The following SMCHD1 variants were observed in gnomAD, a reference collection of about 807,000 sequenced individuals.
SMCHD1 encodes structural maintenance of chromosomes flexible hinge domain containing 1.
A neutral mutation model predicts 254.7 loss-of-function variants in SMCHD1; 78 were observed. That is an observed-to-expected ratio of 0.31 (90% CI 0.26 to 0.37). SMCHD1 has a LOEUF of 0.37. Ranked by LOEUF, SMCHD1 falls within the 10% of genes least tolerant of loss-of-function variation. SMCHD1 has a pLI of 1.00. For missense variants in SMCHD1, 1,840 were observed against 2,408.1 expected, an observed-to-expected ratio of 0.76 and a Z score of 4.94; for synonymous variants, 766 against 794.9, an observed-to-expected ratio of 0.96 and a Z score of 0.61.
Position 2,740,633 on chromosome 18 carries a change from A to G in SMCHD1, c.3515-70A>G, listed in dbSNP as rs1035409035. On this transcript the variant is annotated intron_variant, in intron 27 of 47. Coordinates refer to ENST00000320876, the MANE Select transcript of SMCHD1 (RefSeq NM_015295.3). ...AGAGTAAGTTTCTAAGCATGTTTTTATAGTGTATTGTAGATATTTATATCT... is the reference window on the plus strand; with the variant it reads ...AGAGTAAGTTTCTAAGCATGTTTTTGTAGTGTATTGTAGATATTTATATCT... The G allele has an allele frequency of 8.1e-5, 56 of 693,018 alleles. 1 individual carries two copies. The South Asian group carries it at 1.7e-3, about 22-fold the overall frequency. 42.9% of individuals were successfully genotyped at this position (693,018 alleles called of 1,614,324 possible). A position where few individuals can be genotyped will look rare whatever the true frequency, so the allele number is the denominator to read the frequency against.
chr18:2,771,997 TA>T (rs1216992008), intron 40 of SMCHD1, among the ~76,000 whole-genome samples: 17 of 152,254 alleles, frequency 1.1e-4, no homozygotes, highest in South Asian at 8.3e-4. Flanking sequence ...CTATTATAGG[TA>T]GTGTATTTCT....
At chr18:2,700,067 A>G (rs887989004) in intron 10 of SMCHD1, among the ~76,000 whole-genome samples, 85 of 152,380 alleles carry the variant, frequency 5.6e-4, no homozygotes, top group African/African-American at 1.8e-3. Flanking sequence ...TAATTTCTAA[A>G]AAGTAAACTT....
chr18:2,726,883 A>G (rs2075037115), intron 22 of SMCHD1: 3 of 155,648 alleles, frequency 1.9e-5, no homozygotes, highest in Admixed American at 1.3e-4. Context: ...TATTTTTATT[A>G]AGTTAACTTG....
Position 2,743,772 on chromosome 18 carries a change from G to A in SMCHD1, c.3645G>A (p.Gln1215=), listed in dbSNP as rs964865705. Residue 1215 remains glutamine, a synonymous_variant, in exon 29 of 48, where the codon CAG becomes CAA. Coordinates refer to ENST00000320876, the MANE Select transcript of SMCHD1 (RefSeq NM_015295.3). ...CTTTTCCTCACTAGGAAAACACACA[G>A]AGTATAAGTGTAAGAGGCATCAAAT... The part of the protein sequence containing the change: ...NLKTTFQENT[Q]SISVRGIKFI... 1.2e-6 allele frequency: 2 copies of A among 1,608,306 alleles called. No homozygotes were observed. Among genetic ancestry groups the A allele is most frequent in the East Asian group, 2.2e-5 (1 of 44,774 alleles).
At chr18:2,708,907 T>TATATATATAAAAA (rs769432583) in intron 17 of SMCHD1, among the ~76,000 whole-genome samples, 2 of 44,702 alleles carry the variant, frequency 4.5e-5, no homozygotes, top group African/African-American at 1.7e-4. Context: ...TATATATATA[T>TATATATATAAAAA]AACATATTAA....
chr18:2,793,734 C>T (rs1299864329), intron 45 of SMCHD1, among the ~76,000 whole-genome samples: 3 of 151,132 alleles, frequency 2.0e-5, no homozygotes, highest in African/African-American at 7.3e-5. Context: ...CTCAATAAAG[C>T]GTAAGGAACT....
chr18:2,672,352 G>A (rs932210821), intron 3 of SMCHD1, among the ~76,000 whole-genome samples: 10 of 151,912 alleles, frequency 6.6e-5, no homozygotes, highest in African/African-American at 1.9e-4. Context: ...TCAGCCTCCC[G>A]AGTAGCTGGG....
chr18:2,772,639 GCT>G (rs2076003752), intron 41 of SMCHD1, among the ~76,000 whole-genome samples: 1 of 152,208 alleles, frequency 6.6e-6, no homozygotes, highest in Non-Finnish European at 1.5e-5. Context: ...ATGTCATGCA[GCT>G]CTGTTTTTGG....
chr18:2,714,716 TTGAC>T (rs1206294370), intron 17 of SMCHD1, among the ~76,000 whole-genome samples: 5 of 152,152 alleles, frequency 3.3e-5, no homozygotes, highest in African/African-American at 7.2e-5. Flanking sequence ...TAGAACTCCT[TTGAC>T]TGTTCCTTGT....
chr18:2,672,305 C>T (rs541467689), intron 3 of SMCHD1, among the ~76,000 whole-genome samples: 2 of 152,244 alleles, frequency 1.3e-5, no homozygotes, highest in African/African-American at 2.4e-5. Flanking sequence ...TGGCTCACTG[C>T]AACCTCTGCC....
chr18:2,729,470 T>G, intron 24 of SMCHD1, 61 bp downstream of exon 24: 1 of 1,232,890 alleles, frequency 8.1e-7, no homozygotes, highest in Non-Finnish European at 1.0e-6. Flanking sequence ...AGTCTTCAAC[T>G]GCTTAATAAC....
chr18:2,666,270 T>C, intron 2 of SMCHD1, 38 bp downstream of exon 2: 1 of 963,908 alleles, frequency 1.0e-6, no homozygotes, highest in Non-Finnish European at 1.6e-6. Flanking sequence ...GCTTTTATAT[T>C]TAATAAGGTT....
chr18:2,751,069 CCTAA>C (rs757232757), intron 32 of SMCHD1, among the ~76,000 whole-genome samples: 14 of 152,006 alleles, frequency 9.2e-5, no homozygotes, highest in Non-Finnish European at 2.1e-4. Flanking sequence ...GACCAATTGG[CCTAA>C]CTCTTAAGTT....
intron 17 of SMCHD1, among the ~76,000 whole-genome samples, chr18:2,708,763 A>G (rs1431854090): frequency 1.3e-5 from 2 of 149,472 alleles, no homozygotes; most frequent in Admixed American, 6.7e-5. Flanking sequence ...TTACAGGCAC[A>G]TGCCACCACT....
At chr18:2,666,848 T>C (rs375852278) in intron 2 of SMCHD1, 22 bp from the exon 3 acceptor site, 194 of 1,594,110 alleles carry the variant, frequency 1.2e-4, no homozygotes, top group East Asian at 6.1e-4. Flanking sequence ...CTAGCACTTA[T>C]GATTTTCACT....
Position 2,678,822 on chromosome 18 carries a change from GTTTTTT to G in SMCHD1, c.638+4688_638+4693del, listed in dbSNP as rs572937755. ...GAATGTCTTAATCTTTCCGTTTTTT[GTTTTTT>G]TTTTTTTTTTGTTTGTTTGTTTTTT... On this transcript the variant is annotated intron_variant, in intron 5 of 47. Transcript: ENST00000320876. Among the ~76,000 whole-genome samples the G allele has an allele frequency of 4.2e-3, 611 of 144,718 alleles. 5 individuals carry two copies. The highest frequency in any genetic ancestry group is 0.015 in the African/African-American group (581 of 38,318). 94.9% of individuals were successfully genotyped at this position (144,718 alleles called of 152,430 possible).
rs8090967 is a variant in SMCHD1 at position 2,705,635 on chromosome 18, T to A, written c.1843-59T>A. The stretch of plus-strand genomic sequence containing the variant: ...GTTCTGTAAAATTATTATTAAGCCT[T>A]TTTCTCTTCGTAAATCTTAATACTG... On this transcript the variant is annotated intron_variant, in intron 13 of 47. Coordinates refer to ENST00000320876, the MANE Select transcript of SMCHD1 (RefSeq NM_015295.3). 343,584 of 781,774 alleles carry A rather than the reference T, an allele frequency of 0.44. 78,405 individuals are homozygous for A. Among genetic ancestry groups the A allele is most frequent in the South Asian group, 0.59 (25,180 of 42,720 alleles). The allele number at this position is 781,774 out of a possible 1,614,324, so 48.4% of individuals were successfully genotyped here.
At chr18:2,772,063 T>C (rs2075994005) in intron 40 of SMCHD1, among the ~76,000 whole-genome samples, 187 bp from the exon 41 acceptor site, 2 of 152,142 alleles carry the variant, frequency 1.3e-5, no homozygotes, top group Admixed American at 1.3e-4. Context: ...ACTATAACCA[T>C]GGTTTTTAAA....
chr18:2,696,295 C>CT (rs971244525), intron 8 of SMCHD1, among the ~76,000 whole-genome samples: 23 of 152,170 alleles, frequency 1.5e-4, no homozygotes, highest in African/African-American at 5.3e-4. Flanking sequence ...TGGTACCCAT[C>CT]TGTGGCCTTT....
Sources: allele counts gnomAD v4.1 joint callset (sites outside exome capture counted in the v4.1 genomes callset), GRCh38; gene constraint gnomAD v4.1.1; transcripts MANE v1.5; gene names NCBI Gene and HGNC (gene_info 2026-07-23, HGNC 2026-07-21).